Variants in FAM193A observed in about 807,000 individuals in gnomAD.
FAM193A encodes protein FAM193A.
In FAM193A, 22 loss-of-function variants were observed where a neutral mutation model predicts 126.5. The ratio of observed to expected loss-of-function variants is 0.17; its 90% CI spans 0.12 to 0.25. FAM193A has a LOEUF of 0.25. FAM193A is among the 10% of genes least tolerant of loss of function. FAM193A has a pLI of 1.00. For synonymous variants in FAM193A, 761 were observed against 646.8 expected (o/e 1.18, Z -2.68); for missense variants, 1,675 against 1,672.8 (o/e 1.00, Z -0.02).
chr4:2,610,337 T>G (rs186092477), intron 2 of FAM193A, among the ~76,000 whole-genome samples: 3 of 152,178 alleles, frequency 2.0e-5, no homozygotes, highest in African/African-American at 7.2e-5. Context: ...AGTCCCAACT[T>G]AAACCAGCCA....
intron 13 of FAM193A, among the ~76,000 whole-genome samples, chr4:2,684,666 C>A (rs898134501): frequency 6.6e-6 from 1 of 152,318 alleles, no homozygotes; most frequent in South Asian, 2.1e-4. Flanking sequence ...GAGACCTGGG[C>A]TCCTCTTGAG....
chr4:2,552,301 G>GCGC (rs1454440831), intron 1 of FAM193A, among the ~76,000 whole-genome samples: 8 of 71,154 alleles, frequency 1.1e-4, no homozygotes, highest in African/African-American at 4.1e-4. Flanking sequence ...GTGAGCCACC[G>GCGC]CGCCCGGCTG....
chr4:2,571,373 A>G (rs1739283035), intron 1 of FAM193A, among the ~76,000 whole-genome samples: 1 of 152,120 alleles, frequency 6.6e-6, no homozygotes, highest in Non-Finnish European at 1.5e-5. Flanking sequence ...CAGCTCGGAG[A>G]CTGGTACTTG....
intron 2 of FAM193A, chr4:2,608,158 A>G: frequency 6.3e-7 from 1 of 1,580,016 alleles, no homozygotes. Context: ...TAAAAAAATA[A>G]AAATTTAAAA....
chr4:2,591,458 A>C (rs540105599), intron 1 of FAM193A, among the ~76,000 whole-genome samples: 1 of 152,228 alleles, frequency 6.6e-6, no homozygotes, highest in South Asian at 2.1e-4. Context: ...GATGGAGGGC[A>C]TGTGGGGAGC....
chr4:2,656,245 G>A (rs966878036), intron 7 of FAM193A, among the ~76,000 whole-genome samples: 1 of 152,168 alleles, frequency 6.6e-6, no homozygotes, highest in African/African-American at 2.4e-5. Flanking sequence ...GTCCCATGAA[G>A]GGTTTGATAG....
chr4:2,539,250 T>C (rs991462301), intron 1 of FAM193A, among the ~76,000 whole-genome samples: 8 of 152,190 alleles, frequency 5.3e-5, no homozygotes, highest in African/African-American at 1.7e-4. Flanking sequence ...CCTATTATTA[T>C]TAAGATAGGG....
chr4:2,551,907 C>T (rs1467052383), intron 1 of FAM193A, among the ~76,000 whole-genome samples: 1 of 151,486 alleles, frequency 6.6e-6, no homozygotes, highest in Admixed American at 6.6e-5. Context: ...GTGGCTTGAT[C>T]ATAGCTCACT....
chr4:2,729,101 AAAT>A (rs1292235520), intron 20 of FAM193A, among the ~76,000 whole-genome samples: 1 of 151,842 alleles, frequency 6.6e-6, no homozygotes, highest in Non-Finnish European at 1.5e-5. Flanking sequence ...TGCCTCTCTA[AAAT>A]AATAATTGGT....
chr4:2,544,136 A>T (rs1486774749), intron 1 of FAM193A, among the ~76,000 whole-genome samples: 1 of 152,178 alleles, frequency 6.6e-6, no homozygotes. Flanking sequence ...GTCTTAACTA[A>T]AATTAACAAT....
intron 6 of FAM193A, among the ~76,000 whole-genome samples, chr4:2,645,193 G>C (rs183851106): frequency 8.7e-4 from 132 of 152,226 alleles, no homozygotes; most frequent in African/African-American, 3.1e-3. Flanking sequence ...TTAACCTTGC[G>C]CAGAATCTTT....
intron 4 of FAM193A, among the ~76,000 whole-genome samples, chr4:2,630,471 G>C (rs928548338): frequency 2.0e-5 from 3 of 152,180 alleles, no homozygotes; most frequent in Admixed American, 6.5e-5. Flanking sequence ...CCTCTCCTGG[G>C]ATCAGTGCTT....
intron 1 of FAM193A, among the ~76,000 whole-genome samples, chr4:2,567,228 G>A (rs533402384): frequency 4.6e-5 from 7 of 151,756 alleles, no homozygotes; most frequent in Non-Finnish European, 7.4e-5. Flanking sequence ...GATTACAGGC[G>A]TGAGCCACCA....
intron 2 of FAM193A, among the ~76,000 whole-genome samples, chr4:2,621,687 G>C (rs922256206): frequency 6.6e-6 from 1 of 152,172 alleles, no homozygotes; most frequent in African/African-American, 2.4e-5. Context: ...TGATGGCTTA[G>C]ACTGGGTTGG....
chr4:2,537,991 G>A (rs1178264301), intron 1 of FAM193A, among the ~76,000 whole-genome samples: 6 of 152,126 alleles, frequency 3.9e-5, no homozygotes, highest in Non-Finnish European at 8.8e-5. Flanking sequence ...ATTTCAGAGG[G>A]TACACTATTT....
intron 1 of FAM193A, among the ~76,000 whole-genome samples, chr4:2,550,490 G>A (rs2108818692): frequency 6.6e-6 from 1 of 152,070 alleles, no homozygotes; most frequent in African/African-American, 2.4e-5. Context: ...AGGCTGCAGT[G>A]TAATGGCACG....
chr4:2,639,530 C>G (rs1229549507), intron 5 of FAM193A, among the ~76,000 whole-genome samples: 1 of 151,630 alleles, frequency 6.6e-6, no homozygotes, highest in Non-Finnish European at 1.5e-5. Context: ...AAATCCATGT[C>G]CGTGTAGTCA....
At chr4:2,589,654 T>C (rs1740411831) in intron 1 of FAM193A, among the ~76,000 whole-genome samples, 1 of 152,246 alleles carries the variant, frequency 6.6e-6, no homozygotes, top group Admixed American at 6.5e-5. Context: ...CCAATCTCTT[T>C]GTAACCACTG....
intron 20 of FAM193A, among the ~76,000 whole-genome samples, chr4:2,716,798 T>C (rs1044574459): frequency 6.6e-6 from 1 of 152,006 alleles, no homozygotes; most frequent in Non-Finnish European, 1.5e-5. Context: ...TGCCTCAGCC[T>C]CCAGACTAGC....
Sources: gnomAD v4.1 joint callset for allele counts (sites outside exome capture counted in the v4.1 genomes callset) on GRCh38, gnomAD v4.1.1 for gene constraint, MANE v1.5 for transcripts, NCBI Gene and HGNC (gene_info 2026-07-23, HGNC 2026-07-21) for gene names.